The following RFX3 variants were observed in gnomAD, a reference collection of about 807,000 sequenced individuals.
The protein encoded by RFX3 is regulatory factor X3.
In RFX3, 14 loss-of-function variants were observed where a neutral mutation model predicts 98.6. The observed-to-expected ratio is 0.14, with a 90% CI of 0.09 to 0.22. The LOEUF (loss-of-function observed/expected upper bound fraction) is 0.22, where lower values mean the gene tolerates loss of function less well. RFX3 is among the 10% of genes least tolerant of loss of function. The probability of loss-of-function intolerance (pLI) is 1.00; values close to 1 mark genes in which losing one functional copy is unlikely to be tolerated. For missense variants in RFX3, 639 were observed against 926.9 expected, an observed-to-expected ratio of 0.69 and a Z score of 4.03; for synonymous variants, 383 against 328.4, an observed-to-expected ratio of 1.17 and a Z score of -1.80.
intron 3 of RFX3, among the ~76,000 whole-genome samples, chr9:3,332,765 G>A (rs1832744170): frequency 6.6e-6 from 1 of 152,022 alleles, no homozygotes; most frequent in Non-Finnish European, 1.5e-5. Context: ...ACATCATATT[G>A]ACCATTTTTC....
At chr9:3,366,754 T>C (rs539384077) in intron 2 of RFX3, among the ~76,000 whole-genome samples, 41 of 72,698 alleles carry the variant, frequency 5.6e-4, no homozygotes, top group African/African-American at 1.5e-3. Flanking sequence ...TTCTTTCTTT[T>C]TGGCTATTCT....
chr9:3,367,258 G>A lies in RFX3; in HGVS notation c.118-20494C>T, dbSNP rs182090490. ...ATACATAAGGCCGTATTGTTGCTTT[G>A]AAAATGGAGGGGCTACAAGAGAAGT... On this transcript the variant is annotated intron_variant, in intron 2 of 16. Coordinates refer to ENST00000617270, the MANE Select transcript of RFX3 (RefSeq NM_001282116.2). Among the ~76,000 whole-genome samples, 738 of 152,222 alleles carry A rather than the reference G, an allele frequency of 4.8e-3. 2 individuals carry two copies. The highest frequency in any genetic ancestry group is 8.7e-3 in the Non-Finnish European group (590 of 68,016).
In RFX3 at chr9:3,281,542, G is replaced by A. The variant is rs145273229; in HGVS notation, c.852-4081C>T. Among the ~76,000 whole-genome samples, 625 of 151,824 alleles carry A rather than the reference G, an allele frequency of 4.1e-3. 4 individuals are homozygous for A. The highest frequency in any genetic ancestry group is 0.014 in the African/African-American group (577 of 41,496). The stretch of plus-strand genomic sequence containing the variant: ...ATTGAGTGTGCTCTGAGAAAGACCT[G>A]TGCTTTATCAAATAATGAAACAGCA... On this transcript the variant is annotated intron_variant, in intron 7 of 16. Transcript: ENST00000617270.
chr9:3,410,045 A>G (rs980149729), intron 1 of RFX3, among the ~76,000 whole-genome samples: 1 of 152,160 alleles, frequency 6.6e-6, no homozygotes, highest in Non-Finnish European at 1.5e-5. Flanking sequence ...AAATACTCAT[A>G]TAACATGGAG....
intron 5 of RFX3, among the ~76,000 whole-genome samples, chr9:3,294,838 A>C (rs1827804587): frequency 6.6e-6 from 1 of 152,158 alleles, no homozygotes; most frequent in Admixed American, 6.6e-5. Context: ...AAAGACTTGA[A>C]GTCCTTCACA....
chr9:3,316,607 G>A (rs142225374), intron 4 of RFX3, among the ~76,000 whole-genome samples: 2,292 of 152,284 alleles, frequency 0.015, 58 homozygotes, highest in African/African-American at 0.052. Flanking sequence ...CAGATGACAT[G>A]ATTGTATATT....
At chr9:3,291,410 C>G (rs930500761) in intron 6 of RFX3, among the ~76,000 whole-genome samples, 1 of 117,814 alleles carries the variant, frequency 8.5e-6, no homozygotes, top group Admixed American at 8.8e-5. Flanking sequence ...CAAAACAAAA[C>G]AAAACAAAAC....
intron 1 of RFX3, among the ~76,000 whole-genome samples, chr9:3,427,124 T>C (rs538370484): frequency 5.8e-4 from 88 of 151,048 alleles, no homozygotes; most frequent in South Asian, 4.2e-3. Flanking sequence ...TCTCAAGGTC[T>C]ACTGCTATTG....
At chr9:3,309,991 C>T (rs563082433) in intron 4 of RFX3, among the ~76,000 whole-genome samples, 2 of 152,286 alleles carry the variant, frequency 1.3e-5, no homozygotes, top group African/African-American at 4.8e-5. Context: ...CAAGGTGGTA[C>T]AAAAGAGGCT....
chr9:3,283,488 T>C (rs1826181728), intron 7 of RFX3, among the ~76,000 whole-genome samples: 1 of 151,696 alleles, frequency 6.6e-6, no homozygotes. Flanking sequence ...CAATTCCCCA[T>C]TTTCCAATTC....
chr9:3,230,814 G>T (rs1300140923), intron 15 of RFX3, among the ~76,000 whole-genome samples: 1 of 152,132 alleles, frequency 6.6e-6, no homozygotes, highest in Non-Finnish European at 1.5e-5. Flanking sequence ...TCTGCAAGTT[G>T]TTTGTAGTTA....
chr9:3,377,475 T>C (rs556126946), intron 2 of RFX3, among the ~76,000 whole-genome samples: 49 of 152,066 alleles, frequency 3.2e-4, no homozygotes, highest in Non-Finnish European at 6.0e-4. Flanking sequence ...CATTAGGATA[T>C]ATACCTAACA....
chr9:3,288,075 C>A, intron 7 of RFX3, 56 bp downstream of exon 7: 1 of 1,558,142 alleles, frequency 6.4e-7, no homozygotes, highest in East Asian at 2.3e-5. Context: ...AAAAGGAGAC[C>A]CGAACAACTA....
intron 1 of RFX3, among the ~76,000 whole-genome samples, chr9:3,509,561 TTAAAA>T (rs888839562): frequency 6.6e-6 from 1 of 151,978 alleles, no homozygotes; most frequent in African/African-American, 2.4e-5. Context: ...GCATTTCTCC[TTAAAA>T]TAAAGCCTAC....
chr9:3,344,694 T>C (rs892862085), intron 3 of RFX3: 2 of 602,438 alleles, frequency 3.3e-6, no homozygotes, highest in Non-Finnish European at 6.0e-6. Flanking sequence ...CATTACTACT[T>C]GTCACAGACA....
intron 1 of RFX3, among the ~76,000 whole-genome samples, chr9:3,508,435 C>A (rs1418576664): frequency 3.3e-5 from 5 of 151,874 alleles, no homozygotes; most frequent in Non-Finnish European, 5.9e-5. Flanking sequence ...AGATCTCTCC[C>A]CCTAAAAACA....
intron 3 of RFX3, among the ~76,000 whole-genome samples, chr9:3,339,183 CG>C (rs1262180385): frequency 2.0e-5 from 3 of 151,706 alleles, no homozygotes; most frequent in African/African-American, 7.3e-5. Flanking sequence ...ATTCTGTGGC[CG>C]TTGCTCATGA....
At chr9:3,382,024 G>A (rs1021131228) in intron 2 of RFX3, among the ~76,000 whole-genome samples, 2 of 152,050 alleles carry the variant, frequency 1.3e-5, no homozygotes, top group Admixed American at 1.3e-4. Flanking sequence ...TTATATGTTA[G>A]GTGAAAAACA....
At chr9:3,423,504 G>A (rs1319819121) in intron 1 of RFX3, among the ~76,000 whole-genome samples, 1 of 151,800 alleles carries the variant, frequency 6.6e-6, no homozygotes, top group African/African-American at 2.4e-5. Context: ...TCTCAACATT[G>A]GGCTGAGCAA....
Sources: allele counts gnomAD v4.1 joint callset (sites outside exome capture counted in the v4.1 genomes callset), GRCh38; gene constraint gnomAD v4.1.1; transcripts MANE v1.5; gene names NCBI Gene and HGNC (gene_info 2026-07-23, HGNC 2026-07-21).